Variants in COG4 observed in about 807,000 individuals in gnomAD.
COG4 encodes the protein conserved oligomeric Golgi complex subunit 4.
Under a neutral mutation model 95.1 loss-of-function variants are expected in COG4, and 65 were observed. That is an observed-to-expected ratio of 0.68 (90% CI 0.56 to 0.84). The LOEUF is 0.84. Ranked by LOEUF, COG4 falls within the 40% of genes least tolerant of loss-of-function variation. The pLI, the probability that COG4 is intolerant of heterozygous loss-of-function variation, is 0.00. For missense variants in COG4, 1,045 were observed against 989.1 expected (o/e 1.06, Z -0.76); for synonymous variants, 421 against 374.8 (o/e 1.12, Z -1.42).
chr16:70,510,290 A>G (rs944259590), intron 5 of COG4, among the ~76,000 whole-genome samples: 5 of 152,174 alleles, frequency 3.3e-5, no homozygotes, highest in African/African-American at 1.2e-4. Flanking sequence ...GAGAGTCCCC[A>G]GTTTCAACAA....
Position 70,490,194 on chromosome 16 carries a change from T to G in COG4, c.1710+136A>C, listed in dbSNP as rs2049215783. 8 of 764,922 alleles carry G rather than the reference T, an allele frequency of 1.0e-5. No individual in the cohort carries two copies. The South Asian group carries it at 1.1e-4, about 11-fold the overall frequency. The allele number at this position is 764,922 out of a possible 1,614,324, so 47.4% of individuals were successfully genotyped here. ...GGTCCAAGGATGCCTTGCTATCATG[T>G]CAGTCACCAAAGAATCCCCTCAAGT... On this transcript the variant is annotated intron_variant, in intron 13 of 18. Transcript: ENST00000323786.
chr16:70,481,370 T>C lies in COG4; in HGVS notation c.2224A>G (p.Asn742Asp), dbSNP rs1416383272. The change falls in exon 18 of 19, where the codon AAT becomes GAT. Residue 742 changes from asparagine (N) to aspartate (D), a missense_variant. Coordinates refer to ENST00000323786, the MANE Select transcript of COG4 (RefSeq NM_015386.3). ...ARLSQMATIL[N>D]LERVTEILDY... Reference sequence around the variant, plus strand: ...GGTGCCCCACCTACCCGCTCCAGATTGAGGATGGTGGCCATCTGGGAGAGC... The same window carrying C: ...GGTGCCCCACCTACCCGCTCCAGATCGAGGATGGTGGCCATCTGGGAGAGC... The C allele has an allele frequency of 6.2e-7, 1 of 1,612,816 alleles. No individual in the cohort carries two copies. Among genetic ancestry groups the C allele is most frequent in the East Asian group, 2.2e-5 (1 of 44,840 alleles).
rs1046681881 is a variant in COG4 at position 70,485,540 on chromosome 16, TG to T, written c.1711-1572del. ...TTTTAACATAGATAAATCATGGAGCTGGGACTCTAGGCCAGGTATTCTGACT... is the reference window on the plus strand; with the variant it reads ...TTTTAACATAGATAAATCATGGAGCTGGACTCTAGGCCAGGTATTCTGACT... On this transcript the variant is annotated intron_variant, in intron 13 of 18. Coordinates refer to ENST00000323786, the MANE Select transcript of COG4 (RefSeq NM_015386.3). Among the ~76,000 whole-genome samples the T allele has an allele frequency of 5.4e-4, 82 of 150,990 alleles. No homozygotes were observed. In the Admixed American group the frequency reaches 5.4e-3, roughly 10 times the overall value.
Position 70,490,326 on chromosome 16 carries a change from G to A in COG4, c.1710+4C>T, listed in dbSNP as rs750865128. ...TGACCACTGATAGGCAATTTCCCTC[G>A]TACCTCCAGTGTCTTCTTCAGAGTG... On this transcript the variant is annotated splice_donor_region_variant and intron_variant, in intron 13 of 18. Coordinates refer to ENST00000323786, the MANE Select transcript of COG4 (RefSeq NM_015386.3). The A allele has an allele frequency of 4.3e-6, 7 of 1,612,206 alleles. No homozygotes were observed. In the South Asian group the frequency reaches 5.5e-5, roughly 13 times the overall value.
At chr16:70,502,158 T>G (rs1244605933) in intron 8 of COG4, among the ~76,000 whole-genome samples, 1 of 151,598 alleles carries the variant, frequency 6.6e-6, no homozygotes, top group Non-Finnish European at 1.5e-5. Context: ...GGCGCATGCC[T>G]GTAGTCCCAG....
At chr16:70,511,306 G>A (rs76863993) in intron 5 of COG4, among the ~76,000 whole-genome samples, 3 of 34,882 alleles carry the variant, frequency 8.6e-5, no homozygotes, top group South Asian at 1.6e-3. Context: ...GTTTTGTGCC[G>A]TTTAACAAAC....
chr16:70,493,203 C>T (rs974129701), intron 12 of COG4, among the ~76,000 whole-genome samples: 1 of 152,112 alleles, frequency 6.6e-6, no homozygotes, highest in Non-Finnish European at 1.5e-5. Context: ...TCTTAATGGT[C>T]CTTAGGATTT....
intron 14 of COG4, 32 bp downstream of exon 14, chr16:70,483,821 G>T: frequency 1.4e-6 from 2 of 1,477,164 alleles, no homozygotes; most frequent in South Asian, 1.1e-5. Flanking sequence ...CACAGGCACA[G>T]GATTCAGTCA....
At chr16:70,511,295 T>C (rs1182369610) in intron 5 of COG4, among the ~76,000 whole-genome samples, 2 of 97,248 alleles carry the variant, frequency 2.1e-5, no homozygotes, top group Non-Finnish European at 3.6e-5. Flanking sequence ...GACAACATAT[T>C]GTTTTGTGCC....
chr16:70,511,547 T>C (rs939982607), intron 5 of COG4, among the ~76,000 whole-genome samples: 20 of 148,192 alleles, frequency 1.3e-4, no homozygotes, highest in African/African-American at 5.1e-4. Context: ...AGACCGTTTC[T>C]ATAAAAAAAA....
At chr16:70,490,626 C>T (rs1015886811) in intron 12 of COG4, among the ~76,000 whole-genome samples, 5 of 152,136 alleles carry the variant, frequency 3.3e-5, no homozygotes, top group African/African-American at 7.2e-5. Context: ...GACAGGGAGC[C>T]TAAAGCTATC....
At chr16:70,509,137 T>C in intron 7 of COG4, 94 bp downstream of exon 7, 3 of 1,466,802 alleles carry the variant, frequency 2.0e-6, no homozygotes, top group East Asian at 2.3e-5. Flanking sequence ...TGTCTGCACC[T>C]TTTTTTTCAC....
intron 12 of COG4, among the ~76,000 whole-genome samples, chr16:70,490,613 G>T (rs2049224388): frequency 6.6e-6 from 1 of 152,306 alleles, no homozygotes; most frequent in Non-Finnish European, 1.5e-5. Flanking sequence ...TTCTGTGCCT[G>T]ATGACAGGGA....
At chr16:70,507,377 T>C (rs909312519) in intron 8 of COG4, among the ~76,000 whole-genome samples, 3 of 152,152 alleles carry the variant, frequency 2.0e-5, no homozygotes, top group African/African-American at 4.8e-5. Context: ...TATGTTTAGA[T>C]ATGTTTAGAT....
At chr16:70,520,949 TA>T (rs1296227299) in intron 1 of COG4, among the ~76,000 whole-genome samples, 2 of 152,214 alleles carry the variant, frequency 1.3e-5, no homozygotes, top group Non-Finnish European at 2.9e-5. Flanking sequence ...CAACAGCCAT[TA>T]AAATTAACCA....
intron 8 of COG4, among the ~76,000 whole-genome samples, chr16:70,505,808 G>A (rs933244294): frequency 9.2e-5 from 14 of 151,780 alleles, no homozygotes; most frequent in African/African-American, 3.1e-4. Flanking sequence ...CAGCCTGGGC[G>A]AAAGAGTGAG....
rs1293230861 is a variant in COG4, at chr16:70,500,897, T to C, written c.1195+61A>G. The C allele has an allele frequency of 3.3e-5, 52 of 1,599,258 alleles. 1 individual carries two copies. Among genetic ancestry groups the C allele is most frequent in the Middle Eastern group, 3.3e-4 (2 of 6,070 alleles). ...CTTAATAAGAGATTTGTGGCTTAAC[T>C]ATTAAGAAACACTGCCAATTATACC... On this transcript the variant is annotated intron_variant, in intron 9 of 18. Transcript: ENST00000323786.
chr16:70,510,355 T>A (rs952114097), intron 5 of COG4, among the ~76,000 whole-genome samples: 3 of 152,256 alleles, frequency 2.0e-5, no homozygotes, highest in Admixed American at 1.3e-4. Flanking sequence ...AAACTCACTC[T>A]GTTGCTCAGG....
chr16:70,520,300 G>A (rs574018108), intron 1 of COG4, among the ~76,000 whole-genome samples: 20 of 150,616 alleles, frequency 1.3e-4, no homozygotes, highest in South Asian at 4.2e-4. Flanking sequence ...AAAATTAGCC[G>A]GGTGTGGTGG....
Sources: allele counts gnomAD v4.1 joint callset (sites outside exome capture counted in the v4.1 genomes callset), GRCh38; gene constraint gnomAD v4.1.1; transcripts MANE v1.5; gene names NCBI Gene and HGNC (gene_info 2026-07-23, HGNC 2026-07-21).